Variants in ROBO2 observed in about 807,000 individuals in gnomAD.
ROBO2 encodes the protein roundabout homolog 2.
In ROBO2, 53 loss-of-function variants were observed where a neutral mutation model predicts 160.8. That is an observed-to-expected ratio of 0.33 (90% CI 0.26 to 0.41). The LOEUF (loss-of-function observed/expected upper bound fraction) is 0.41, where lower values mean the gene tolerates loss of function less well. ROBO2 is among the 10% of genes least tolerant of loss of function. The pLI is 1.00. For missense variants in ROBO2, 1,577 were observed against 1,722.4 expected (o/e 0.92, Z 1.49); for synonymous variants, 664 against 611.7 (o/e 1.09, Z -1.26).
At chr3:77,373,740 G>A (rs1290592559) in intron 2 of ROBO2, among the ~76,000 whole-genome samples, 1 of 151,840 alleles carries the variant, frequency 6.6e-6, no homozygotes, top group East Asian at 1.9e-4. Context: ...AAAATTCACA[G>A]GATGGGTTTA....
intron 2 of ROBO2, among the ~76,000 whole-genome samples, chr3:77,165,960 T>G (rs2079036366): frequency 6.6e-6 from 1 of 152,358 alleles, no homozygotes; most frequent in South Asian, 2.1e-4. Context: ...TGTTACTATT[T>G]TGCTGAAGTC....
intron 2 of ROBO2, among the ~76,000 whole-genome samples, chr3:76,276,326 TG>T (rs1707918730): frequency 6.6e-6 from 1 of 152,076 alleles, no homozygotes; most frequent in African/African-American, 2.4e-5. Flanking sequence ...TAGCCACATA[TG>T]GCTATTTAAA....
At chr3:76,776,454 G>A (rs1258843183) in intron 2 of ROBO2, among the ~76,000 whole-genome samples, 1 of 150,832 alleles carries the variant, frequency 6.6e-6, no homozygotes, top group Non-Finnish European at 1.5e-5. Context: ...CCAACTAAAA[G>A]GAAGATTGGT....
chr3:75,945,293 T>C (rs79152344), intron 2 of ROBO2, among the ~76,000 whole-genome samples: 2 of 152,176 alleles, frequency 1.3e-5, no homozygotes, highest in African/African-American at 4.8e-5. Flanking sequence ...TAATTTTTAA[T>C]TGGATAGTCA....
chr3:77,377,575 C>T (rs1400628703), intron 2 of ROBO2, among the ~76,000 whole-genome samples: 1 of 152,068 alleles, frequency 6.6e-6, no homozygotes, highest in African/African-American at 2.4e-5. Flanking sequence ...TTATGGGATA[C>T]AAATCCAGCA....
intron 2 of ROBO2, among the ~76,000 whole-genome samples, chr3:76,381,953 G>T (rs1314796752): frequency 6.6e-6 from 1 of 151,998 alleles, no homozygotes; most frequent in African/African-American, 2.4e-5. Context: ...TTTAGACTTT[G>T]TCGTTGTTGT....
At chr3:76,111,269 A>C (rs1018926233) in intron 2 of ROBO2, among the ~76,000 whole-genome samples, 1 of 152,036 alleles carries the variant, frequency 6.6e-6, no homozygotes, top group Admixed American at 6.6e-5. Flanking sequence ...AGAGTGGTGC[A>C]GCTGCCAGCC....
intron 2 of ROBO2, among the ~76,000 whole-genome samples, chr3:77,164,453 C>A (rs1400831015): frequency 8.1e-6 from 1 of 122,892 alleles, no homozygotes; most frequent in Non-Finnish European, 1.8e-5. Context: ...GTCAGCCCCC[C>A]GCCTGGCCAG....
At chr3:77,515,816 C>G (rs1390378583) in intron 5 of ROBO2, among the ~76,000 whole-genome samples, 1 of 151,482 alleles carries the variant, frequency 6.6e-6, no homozygotes, top group Non-Finnish European at 1.5e-5. Context: ...CCTTTGCTAC[C>G]GATGAATTCC....
At chr3:77,269,474 C>G (rs966115569) in intron 2 of ROBO2, among the ~76,000 whole-genome samples, 15 of 152,008 alleles carry the variant, frequency 9.9e-5, no homozygotes, top group African/African-American at 3.6e-4. Context: ...TTTGGCGTTC[C>G]TAGCATCATT....
At chr3:77,208,476 G>T (rs2083704084) in intron 2 of ROBO2, among the ~76,000 whole-genome samples, 1 of 152,072 alleles carries the variant, frequency 6.6e-6, no homozygotes, top group African/African-American at 2.4e-5. Context: ...AATAGCATGT[G>T]GATAGCTGAT....
At chr3:77,474,270 T>C (rs1220514564) in intron 2 of ROBO2, among the ~76,000 whole-genome samples, 6 of 152,172 alleles carry the variant, frequency 3.9e-5, no homozygotes, top group African/African-American at 1.4e-4. Context: ...TAAGCATTGG[T>C]ATACCATAGC....
chr3:77,448,586 C>T (rs913591202), intron 2 of ROBO2, among the ~76,000 whole-genome samples: 2 of 147,474 alleles, frequency 1.4e-5, no homozygotes, highest in African/African-American at 5.0e-5. Context: ...AATGGATACA[C>T]CTTTTATTAT....
At chr3:76,376,671 G>A (rs9830053) in intron 2 of ROBO2, among the ~76,000 whole-genome samples, 40,827 of 151,994 alleles carry the variant, frequency 0.27, 7,914 homozygotes, top group African/African-American at 0.55. Flanking sequence ...GCCAGCAAGG[G>A]CACAGGTGAT....
At chr3:77,036,069 A>G (rs1313432963), upstream of ROBO2, among the ~76,000 whole-genome samples, 4 of 151,926 alleles carry the variant, frequency 2.6e-5, no homozygotes, top group African/African-American at 9.7e-5. Flanking sequence ...GCAATGTGGT[A>G]GATGTCTTAA....
chr3:76,689,399 C>G (rs190259175), intron 2 of ROBO2, among the ~76,000 whole-genome samples: 69 of 152,154 alleles, frequency 4.5e-4, no homozygotes, highest in African/African-American at 1.4e-3. Flanking sequence ...TAAAATATGG[C>G]TCAGACTTCT....
At chr3:77,208,666 G>C (rs1464429874) in intron 2 of ROBO2, among the ~76,000 whole-genome samples, 2 of 152,180 alleles carry the variant, frequency 1.3e-5, no homozygotes, top group Middle Eastern at 3.2e-3. Context: ...TTTGAAGATA[G>C]ACTATAGATT....
chr3:77,642,881 T>A (rs1308518264), intron 24 of ROBO2: 1 of 456,542 alleles, frequency 2.2e-6, no homozygotes, highest in African/African-American at 2.0e-5. Flanking sequence ...CAGGAATGGA[T>A]AAGCTCCACA....
At chr3:76,400,852 T>C (rs9846139) in intron 2 of ROBO2, among the ~76,000 whole-genome samples, 28,314 of 151,392 alleles carry the variant, frequency 0.19, 3,129 homozygotes, top group African/African-American at 0.3. Context: ...CCTCCAAATA[T>C]GAGTTATACA....
Sources: allele counts gnomAD v4.1 joint callset (sites outside exome capture counted in the v4.1 genomes callset), GRCh38; gene constraint gnomAD v4.1.1; transcripts MANE v1.5; gene names NCBI Gene and HGNC (gene_info 2026-07-23, HGNC 2026-07-21).